ETHE1: variants seen among roughly 807,000 people sequenced by gnomAD.
ETHE1 encodes the protein persulfide dioxygenase ETHE1, mitochondrial.
Under a neutral mutation model 25.7 loss-of-function variants are expected in ETHE1, and 16 were observed. That is an observed-to-expected ratio of 0.62 (90% CI 0.42 to 0.95). The LOEUF (loss-of-function observed/expected upper bound fraction) is 0.95, where lower values mean the gene tolerates loss of function less well. Among genes scored for constraint, ETHE1 ranks in the 40% least tolerant of loss-of-function variants. ETHE1 has a pLI of 0.00. For missense variants in ETHE1, 300 were observed against 333.6 expected, an observed-to-expected ratio of 0.90 and a Z score of 0.79; for synonymous variants, 139 against 135.9, an observed-to-expected ratio of 1.02 and a Z score of -0.16.
chr19:43,521,274 G>C, intron 3 of ETHE1, among the ~76,000 whole-genome samples: 1 of 151,996 alleles, frequency 6.6e-6, no homozygotes, highest in Non-Finnish European at 1.5e-5. Flanking sequence ...GCAGTGAGCC[G>C]AGACTGCGCC....
chr19:43,527,178 C>A lies in ETHE1; in HGVS notation c.-1G>T. On this transcript the variant is annotated 5_prime_UTR_variant, in exon 1 of 7. Coordinates refer to ENST00000292147, the MANE Select transcript of ETHE1 (RefSeq NM_014297.5). ...CGACCCTCAGTACAGCCTCCGCCAT[C>A]GCGCCCACTGCGGGGTCAGGAATGA... 2 of 1,537,702 alleles carry A rather than the reference C, an allele frequency of 1.3e-6. No individual in the cohort carries two copies. Among genetic ancestry groups the A allele is most frequent in the Non-Finnish European group, 1.7e-6 (2 of 1,146,550 alleles).
chr19:43,522,707 C>T (rs1600012819), intron 3 of ETHE1, among the ~76,000 whole-genome samples: 1 of 152,164 alleles, frequency 6.6e-6, no homozygotes, highest in African/African-American at 2.4e-5. Context: ...TCTCGAACTC[C>T]TGACCTCAGG....
chr19:43,520,527 T>G (rs1175849941), intron 3 of ETHE1, among the ~76,000 whole-genome samples: 1 of 152,038 alleles, frequency 6.6e-6, no homozygotes, highest in African/African-American at 2.4e-5. Context: ...GTGGCAAAAC[T>G]CTGTCTTTAC....
At chr19:43,515,183 G>A (rs934718262) in intron 3 of ETHE1, among the ~76,000 whole-genome samples, 5 of 151,996 alleles carry the variant, frequency 3.3e-5, no homozygotes, top group Non-Finnish European at 5.9e-5. Context: ...TTGGGAGGCC[G>A]AGGCGGGCAA....
intron 3 of ETHE1, 96 bp downstream of exon 3, chr19:43,526,105 C>G: frequency 6.3e-7 from 1 of 1,586,882 alleles, no homozygotes. Flanking sequence ...GTCCCTCCTC[C>G]CCAAGGACTC....
rs1972254795 is a variant in ETHE1 at position 43,526,621 on chromosome 19, C to T, written c.120G>A (p.Leu40=). 1 of 1,613,960 alleles carries T rather than the reference C, an allele frequency of 6.2e-7. No individual in the cohort carries two copies. Among genetic ancestry groups the T allele is most frequent in the South Asian group, 1.1e-5 (1 of 91,082 alleles). ...EPVSCTFTYL[L]GDRESREAVL... is the part of the protein sequence containing the mutation. ...CGGCCTCCCGGGACTCTCTGTCACC[C>T]AGCAGGTACGTGAAGGTGCAGCTCA... Residue 40 remains leucine, a synonymous_variant, in exon 2 of 7, where the codon CTG becomes CTA. Transcript: ENST00000292147.
chr19:43,511,313 GAATTT>G, intron 4 of ETHE1, 119 bp downstream of exon 4: 1 of 1,466,178 alleles, frequency 6.8e-7, no homozygotes, highest in African/African-American at 1.4e-5. Flanking sequence ...TAAACTCCTT[GAATTT>G]AATACTGAAG....
intron 2 of ETHE1, 48 bp from the exon 3 acceptor site, chr19:43,526,397 G>C (rs1224053131): frequency 2.5e-6 from 4 of 1,612,124 alleles, no homozygotes; most frequent in Non-Finnish European, 3.4e-6. Flanking sequence ...AAAGGACCTG[G>C]GAGTCCCAGC....
intron 3 of ETHE1, among the ~76,000 whole-genome samples, chr19:43,518,697 G>A (rs1208849937): frequency 2.1e-5 from 3 of 144,746 alleles, no homozygotes. Flanking sequence ...CTTGCAGTGA[G>A]CCGAGATCGC....
intron 3 of ETHE1, among the ~76,000 whole-genome samples, chr19:43,522,842 T>C (rs980319396): frequency 6.6e-6 from 1 of 152,196 alleles, no homozygotes. Context: ...ATTTATGCAG[T>C]GTCTGTGGCT....
chr19:43,523,150 G>A (rs891199980), intron 3 of ETHE1, among the ~76,000 whole-genome samples: 11 of 152,192 alleles, frequency 7.2e-5, no homozygotes, highest in Admixed American at 5.9e-4. Flanking sequence ...GGCCAGAAAG[G>A]GAGGCAAGGA....
intron 3 of ETHE1, among the ~76,000 whole-genome samples, chr19:43,520,768 G>A (rs1319550404): frequency 6.6e-6 from 1 of 151,898 alleles, no homozygotes; most frequent in Non-Finnish European, 1.5e-5. Context: ...AATGTTGGAA[G>A]AAAAATTACT....
intron 3 of ETHE1, among the ~76,000 whole-genome samples, chr19:43,518,999 G>GTTTTTTTTTTTTTTTTTTT (rs71169253): frequency 4.4e-5 from 4 of 91,006 alleles, no homozygotes; most frequent in Admixed American, 1.5e-4. Context: ...ATTTGTGCTT[G>GTTTTTTTTTTTTTTTTTTT]TTTTTTTTTT....
chr19:43,518,957 A>ATAGT (rs932358564), intron 3 of ETHE1, among the ~76,000 whole-genome samples: 2 of 137,906 alleles, frequency 1.5e-5, no homozygotes, highest in Admixed American at 7.6e-5. Context: ...TTCATGACCT[A>ATAGT]TAGTGACATA....
intron 3 of ETHE1, among the ~76,000 whole-genome samples, chr19:43,517,689 T>C (rs1013670496): frequency 6.6e-6 from 1 of 151,656 alleles, no homozygotes; most frequent in Non-Finnish European, 1.5e-5. Flanking sequence ...GGCAGGAGAA[T>C]TGCTTGAACC....
chr19:43,509,851 G>C (rs1190111441), intron 4 of ETHE1, among the ~76,000 whole-genome samples: 1 of 152,206 alleles, frequency 6.6e-6, no homozygotes, highest in African/African-American at 2.4e-5. Context: ...TGAGGCCCAG[G>C]AGGAGAGTGT....
chr19:43,526,236 T>C lies in ETHE1; in HGVS notation c.340A>G (p.Ile114Val). The C allele has an allele frequency of 6.2e-7, 1 of 1,613,948 alleles. No individual in the cohort carries two copies. Residue 114 changes from isoleucine (I) to valine (V), a missense_variant, in exon 3 of 7, where the codon ATT (isoleucine) becomes GTT (valine). Coordinates refer to ENST00000292147, the MANE Select transcript of ETHE1 (RefSeq NM_014297.5). The part of the protein sequence containing the change: ...RLSGAQADLH[I>V]EDGDSIRFGR... ...AAGCGGATGGAGTCTCCATCCTCAA[T>C]GTGTAAGTCAGCCTGGGCCCCACTA...
chr19:43,519,513 T>C (rs1478324145), intron 3 of ETHE1, among the ~76,000 whole-genome samples: 1 of 152,170 alleles, frequency 6.6e-6, no homozygotes, highest in Non-Finnish European at 1.5e-5. Context: ...TTCCCTTCCA[T>C]GATGCATCAT....
rs2305375 is a variant in ETHE1, at chr19:43,509,108, G to A, written c.506-244C>T. Among the ~76,000 whole-genome samples the A allele has an allele frequency of 0.68, 103,582 of 152,068 alleles. 35,238 individuals carry two copies. Among genetic ancestry groups the A allele is most frequent in the East Asian group, 0.73 (3,767 of 5,164 alleles). On this transcript the variant is annotated intron_variant, in intron 4 of 6. Transcript: ENST00000292147. ...CTGTAAATAGGGTTGGAATGACACC[G>A]TGAAGCACCAAAGAGTGTCATTTGT...
Sources: gnomAD v4.1 joint callset for allele counts (sites outside exome capture counted in the v4.1 genomes callset) on GRCh38, gnomAD v4.1.1 for gene constraint, MANE v1.5 for transcripts, NCBI Gene and HGNC (gene_info 2026-07-23, HGNC 2026-07-21) for gene names.